E2F7: variants seen among roughly 807,000 people sequenced by gnomAD.
E2F7 encodes the protein transcription factor E2F7.
In E2F7, 35 loss-of-function variants were observed where a neutral mutation model predicts 81.1. That is an observed-to-expected ratio of 0.43 (90% CI 0.33 to 0.57). The LOEUF is 0.57. Among genes scored for constraint, E2F7 ranks in the 20% least tolerant of loss-of-function variants. E2F7 has a pLI of 0.04. For synonymous variants in E2F7, 416 were observed against 416.2 expected, an observed-to-expected ratio of 1.00 and a Z score of 0.01; for missense variants, 961 against 1,093.7, an observed-to-expected ratio of 0.88 and a Z score of 1.71.
In E2F7 at chr12:77,024,291, C is replaced by CGGAA. The variant is rs1370591430; in HGVS notation, c.2566-107_2566-106insTTCC. 4 of 1,252,248 alleles carry CGGAA rather than the reference C, an allele frequency of 3.2e-6. No individual in the cohort carries two copies. The African/African-American group carries it at 6.1e-5, about 19-fold the overall frequency. 77.6% of individuals were successfully genotyped at this position (1,252,248 alleles called of 1,614,324 possible). ...CTGTGTGTTAGGATCCCAAGGCAGG[C>CGGAA]GTTCCTTCTTCTTTGCTTTCTTATC... is the stretch of plus-strand genomic sequence containing the variant. On this transcript the variant is annotated intron_variant, in intron 12 of 12. Coordinates refer to ENST00000322886, the MANE Select transcript of E2F7 (RefSeq NM_203394.3).
intron 10 of E2F7, among the ~76,000 whole-genome samples, chr12:77,028,634 ATTTTG>A (rs924925552): frequency 2.0e-5 from 3 of 151,226 alleles, no homozygotes; most frequent in Admixed American, 1.3e-4. Flanking sequence ...CACCCAGCTA[ATTTTG>A]TTTTGTGTGT....
At chr12:77,064,520 C>T in intron 2 of E2F7, 23 bp downstream of exon 2, 1 of 1,594,468 alleles carries the variant, frequency 6.3e-7, no homozygotes, top group Middle Eastern at 1.7e-4. Context: ...ATATTAGAAA[C>T]TAAGGTGTTT....
chr12:77,044,407 T>C (rs1954922178), intron 6 of E2F7: 2 of 586,238 alleles, frequency 3.4e-6, no homozygotes. Context: ...TAGTGTTCTG[T>C]TTTTCACTCT....
At chr12:77,047,800 AAGG>A (rs1954955187) in intron 4 of E2F7, among the ~76,000 whole-genome samples, 1 of 152,178 alleles carries the variant, frequency 6.6e-6, no homozygotes, top group African/African-American at 2.4e-5. Flanking sequence ...TGCCTGCCGG[AAGG>A]TGCTGGCAGG....
At chr12:77,048,849 C>T (rs1304551186) in intron 4 of E2F7, among the ~76,000 whole-genome samples, 2 of 152,202 alleles carry the variant, frequency 1.3e-5, no homozygotes, top group Non-Finnish European at 2.9e-5. Flanking sequence ...GGATGTAACA[C>T]GGCCCTCCAA....
chr12:77,050,509 C>T, intron 4 of E2F7, 67 bp downstream of exon 4: 1 of 1,564,054 alleles, frequency 6.4e-7, no homozygotes, highest in South Asian at 1.2e-5. Context: ...AGCCTTCAGC[C>T]TGCCCAAGGA....
Position 77,033,912 on chromosome 12 carries a change from C to T in E2F7, c.1254G>A (p.Glu418=), listed in dbSNP as rs1954827059. The change falls in exon 8 of 13, where the codon GAG becomes GAA. Residue 418 remains glutamate, a synonymous_variant. Transcript: ENST00000322886. ...CTGAGTTCACTTTCCTCTGGATCCT[C>T]TCAGAAGCCTGAACTGTGTTAAAAG... ...HGSFNTVQAS[E]RIQRKVNSEP... 2 of 1,614,024 alleles carry T rather than the reference C, an allele frequency of 1.2e-6. No individual in the cohort carries two copies. The highest frequency in any genetic ancestry group is 2.7e-5 in the African/African-American group (2 of 74,928).
intron 4 of E2F7, among the ~76,000 whole-genome samples, chr12:77,050,281 A>G (rs1342659815): frequency 6.6e-6 from 1 of 152,240 alleles, no homozygotes; most frequent in African/African-American, 2.4e-5. Flanking sequence ...AGATGAATTT[A>G]AAATATGAGA....
chr12:77,059,446 G>T (rs310796), intron 2 of E2F7, among the ~76,000 whole-genome samples: 97,717 of 152,006 alleles, frequency 0.64, 32,310 homozygotes, highest in East Asian at 0.84. Flanking sequence ...GATTTCCGTA[G>T]GTATAAAATG....
At chr12:77,026,164 T>C (rs750466550) in intron 11 of E2F7, among the ~76,000 whole-genome samples, 182 bp from the exon 12 acceptor site, 4 of 152,192 alleles carry the variant, frequency 2.6e-5, no homozygotes, top group South Asian at 2.1e-4. Context: ...GTGGCCAAGA[T>C]TGTAATCCCA....
chr12:77,033,718 TAAAAAGTAGACCACTGGA>T (rs930897129), intron 8 of E2F7, 121 bp downstream of exon 8: 2 of 782,944 alleles, frequency 2.6e-6, no homozygotes, highest in African/African-American at 3.5e-5. Context: ...TTCAGCTAAG[TAAAAAGTAGACCACTGGA>T]AAAAACAGCC....
intron 2 of E2F7, among the ~76,000 whole-genome samples, chr12:77,060,733 A>G (rs190340037): frequency 2.1e-4 from 32 of 152,318 alleles, no homozygotes; most frequent in African/African-American, 7.7e-4. Context: ...TGCAATGACT[A>G]CATGTTAGAA....
intron 10 of E2F7, among the ~76,000 whole-genome samples, chr12:77,028,708 C>T (rs372712011): frequency 2.4e-4 from 36 of 151,538 alleles, no homozygotes; most frequent in Admixed American, 6.6e-4. Flanking sequence ...TTTCCTGACC[C>T]GGTGATCCGC....
intron 7 of E2F7, among the ~76,000 whole-genome samples, chr12:77,036,399 C>A (rs1341981197): frequency 4.6e-5 from 7 of 152,092 alleles, no homozygotes. Flanking sequence ...TGGGCTCACA[C>A]CTGTAATCCC....
chr12:77,059,429 G>T (rs1254550735), intron 2 of E2F7, among the ~76,000 whole-genome samples: 1 of 152,156 alleles, frequency 6.6e-6, no homozygotes, highest in Non-Finnish European at 1.5e-5. Flanking sequence ...CATTCTGTCT[G>T]GGCCCAGATT....
At chr12:77,028,657 G>T (rs895947456) in intron 10 of E2F7, among the ~76,000 whole-genome samples, 3 of 151,906 alleles carry the variant, frequency 2.0e-5, no homozygotes, top group Non-Finnish European at 4.4e-5. Context: ...TGTATTTTTA[G>T]TAGAGACAGG....
intron 9 of E2F7, among the ~76,000 whole-genome samples, chr12:77,030,764 T>C (rs2120636588): frequency 6.6e-6 from 1 of 152,270 alleles, no homozygotes; most frequent in Non-Finnish European, 1.5e-5. Flanking sequence ...AGCGCAGAGG[T>C]TGATCACCCT....
chr12:77,062,441 A>G (rs985006805), intron 2 of E2F7, among the ~76,000 whole-genome samples: 15 of 152,220 alleles, frequency 9.9e-5, no homozygotes, highest in African/African-American at 3.6e-4. Context: ...ACTTCATAGC[A>G]GCATGAAAAA....
chr12:77,025,952 C>T lies in E2F7; in HGVS notation c.2171G>A (p.Gly724Asp). Reference protein sequence around the residue: ...GLNGFNVLLSGSQTPPTVGPS... With the variant: ...GLNGFNVLLSDSQTPPTVGPS... The stretch of plus-strand genomic sequence containing the variant: ...GCCCACAGTAGGGGGGGTTTGACTG[C>T]CAGATAAAAGTACATTGAAACCATT... The change falls in exon 12 of 13, where the codon GGC becomes GAC. Residue 724 changes from glycine (G) to aspartate (D), a missense_variant. Gly to Asp is a moderately conservative substitution (Grantham distance 94, BLOSUM62 -1). Around this residue, in one of 3 missense-constraint regions of E2F7, gnomAD observed 587 missense variants for 620.3 expected, o/e 0.95. Coordinates refer to ENST00000322886, the MANE Select transcript of E2F7 (RefSeq NM_203394.3). The T allele has an allele frequency of 1.2e-6, 2 of 1,612,100 alleles. No homozygotes were observed. Among genetic ancestry groups the T allele is most frequent in the Non-Finnish European group, 1.7e-6 (2 of 1,179,134 alleles).
Sources: allele counts gnomAD v4.1 joint callset (sites outside exome capture counted in the v4.1 genomes callset), GRCh38; gene constraint gnomAD v4.1.1; regional missense constraint gnomAD v4.1.1; transcripts MANE v1.5; gene names NCBI Gene and HGNC (gene_info 2026-07-23, HGNC 2026-07-21).